HMCN1: variants seen among roughly 807,000 people sequenced by gnomAD.
HMCN1 encodes the protein hemicentin-1.
In HMCN1, 321 loss-of-function variants were observed where a neutral mutation model predicts 625.9. The ratio of observed to expected loss-of-function variants is 0.51; its 90% CI spans 0.47 to 0.56. HMCN1 has a LOEUF of 0.56. Among genes scored for constraint, HMCN1 ranks in the 20% least tolerant of loss-of-function variants. The pLI is 0.00. For missense variants in HMCN1, 6,588 were observed against 6,887.3 expected (o/e 0.96, Z 1.54); for synonymous variants, 2,425 against 2,417.6 (o/e 1.00, Z -0.09).
intron 11 of HMCN1, among the ~76,000 whole-genome samples, chr1:185,947,961 T>G (rs1406316939): frequency 6.6e-6 from 1 of 152,202 alleles, no homozygotes; most frequent in Non-Finnish European, 1.5e-5. Flanking sequence ...GAAATGAAAA[T>G]GCATTTGAAA....
In HMCN1 at chr1:185,734,630, G is replaced by A. The variant is rs947209818; in HGVS notation, c.-150G>A. 3 of 742,352 alleles carry A rather than the reference G, an allele frequency of 4.0e-6. No individual in the cohort carries two copies. Among genetic ancestry groups the A allele is most frequent in the Admixed American group, 2.1e-5 (1 of 48,184 alleles). The allele number at this position is 742,352 out of a possible 1,614,324, so 46.0% of individuals were successfully genotyped here. A position where few individuals can be genotyped will look rare whatever the true frequency, so the allele number is the denominator to read the frequency against. ...GGATTCGAGTTTGGTGCTTGTCCCCGTCTGATTCTCAGCGCCAAACTTTTT... is the reference window on the plus strand; with the variant it reads ...GGATTCGAGTTTGGTGCTTGTCCCCATCTGATTCTCAGCGCCAAACTTTTT... On this transcript the variant is annotated 5_prime_UTR_variant, in exon 1 of 107. Coordinates refer to ENST00000271588, the MANE Select transcript of HMCN1 (RefSeq NM_031935.3).
At chr1:186,128,050 T>G in intron 82 of HMCN1, 28 bp from the exon 83 acceptor site, 1 of 1,594,724 alleles carries the variant, frequency 6.3e-7, no homozygotes, top group Non-Finnish European at 8.6e-7. Context: ...GATTATGAAA[T>G]TTTAAATGTT....
intron 11 of HMCN1, among the ~76,000 whole-genome samples, chr1:185,943,746 T>C (rs1668196924): frequency 1.3e-5 from 2 of 152,164 alleles, no homozygotes; most frequent in African/African-American, 4.8e-5. Flanking sequence ...ATTAACTCAA[T>C]CTCTAGCTTC....
intron 1 of HMCN1, among the ~76,000 whole-genome samples, chr1:185,735,671 G>C (rs1011202113): frequency 1.3e-5 from 2 of 152,204 alleles, no homozygotes; most frequent in Non-Finnish European, 2.9e-5. Flanking sequence ...CGGTAGAATT[G>C]CTTGTAATTC....
At chr1:186,166,963 TC>T (rs767648222) in intron 100 of HMCN1, 21 bp downstream of exon 100, 2 of 1,614,054 alleles carry the variant, frequency 1.2e-6, no homozygotes, top group Non-Finnish European at 8.5e-7. Context: ...GGAGGCCTTT[TC>T]TTTATGTTCA....
At chr1:186,077,997 AC>A (rs1170120438) in intron 54 of HMCN1, 109 bp from the exon 55 acceptor site, 4 of 761,066 alleles carry the variant, frequency 5.3e-6, no homozygotes, top group Non-Finnish European at 9.3e-6. Context: ...TGAAACAGGA[AC>A]CTTGAAAGAA....
chr1:186,093,574 A>G lies in HMCN1; in HGVS notation c.10101A>G (p.Thr3367=). The G allele has an allele frequency of 6.2e-7, 1 of 1,613,524 alleles. No homozygotes were observed. The highest frequency in any genetic ancestry group is 8.5e-7 in the Non-Finnish European group (1 of 1,179,676). ...DTSINIECRA[T]GTPPPQINWL... ...CAATAAATATTGAATGCAGAGCCAC[A>G]GGGACGCCTCCACCACAGATAAACT... is the stretch of plus-strand genomic sequence containing the variant. Residue 3367 remains threonine (T), a synonymous_variant, in exon 66 of 107, where the codon ACA becomes ACG. Coordinates refer to ENST00000271588, the MANE Select transcript of HMCN1 (RefSeq NM_031935.3).
rs138302556 is a variant in HMCN1, at chr1:185,842,504, C to A, written c.269-3522C>A. 1.8e-3 allele frequency among the ~76,000 whole-genome samples: 273 copies of A among 151,868 alleles called. 3 individuals are homozygous for A. In the East Asian group the frequency reaches 0.018, roughly 10 times the overall value. On this transcript the variant is annotated intron_variant, in intron 1 of 106. Transcript: ENST00000271588. ...CTTGAGCATTGGGAGGTCGAGGCCG[C>A]AGTGAGCTGTGATCATGCCATTGCA...
intron 1 of HMCN1, among the ~76,000 whole-genome samples, chr1:185,768,713 A>G (rs1656032368): frequency 6.6e-6 from 1 of 152,230 alleles, no homozygotes; most frequent in Non-Finnish European, 1.5e-5. Flanking sequence ...TGGGAGGCCA[A>G]GGTGGGAGGA....
chr1:186,182,231 A>C lies in HMCN1; in HGVS notation c.16358A>C (p.Tyr5453Ser). Residue 5453 changes from tyrosine to serine, a missense_variant, in exon 105 of 107, where the codon TAT becomes TCT. By Grantham distance (144) the Tyr-to-Ser change is moderately radical. This residue lies in a region of HMCN1 where 1,954 missense variants were observed against 2,013.1 expected (regional missense o/e 0.97). Transcript: ENST00000271588. ...QHECKNTFGS[Y>S]QCICPPGYQL... Reference sequence around the variant, plus strand: ...GAGTGTAAGAATACCTTTGGAAGTTATCAGTGCATCTGCCCACCTGGCTAT... The same window carrying C: ...GAGTGTAAGAATACCTTTGGAAGTTCTCAGTGCATCTGCCCACCTGGCTAT... 1 of 1,613,530 alleles carries C rather than the reference A, an allele frequency of 6.2e-7. No individual in the cohort carries two copies. The highest frequency in any genetic ancestry group is 8.5e-7 in the Non-Finnish European group (1 of 1,179,512).
intron 97 of HMCN1, among the ~76,000 whole-genome samples, chr1:186,163,901 C>T (rs953254564): frequency 2.6e-5 from 4 of 152,046 alleles, no homozygotes; most frequent in Non-Finnish European, 4.4e-5. Flanking sequence ...TAGATGATAG[C>T]CCCCCTATTT....
At chr1:186,146,917 G>A (rs567348399) in intron 93 of HMCN1, among the ~76,000 whole-genome samples, 8 of 152,280 alleles carry the variant, frequency 5.3e-5, no homozygotes, top group Non-Finnish European at 7.3e-5. Context: ...AGTCTTTTGA[G>A]CACTGGGACT....
intron 36 of HMCN1, among the ~76,000 whole-genome samples, 182 bp from the exon 37 acceptor site, chr1:186,037,752 T>C (rs1655931242): frequency 6.6e-6 from 1 of 152,176 alleles, no homozygotes; most frequent in Non-Finnish European, 1.5e-5. Context: ...AGAAAACTTA[T>C]TTACATTTTT....
chr1:185,999,834 C>T (rs931077556), intron 25 of HMCN1, among the ~76,000 whole-genome samples: 2 of 152,020 alleles, frequency 1.3e-5, no homozygotes, highest in Non-Finnish European at 2.9e-5. Context: ...CAAACTTTAC[C>T]ATAGGTCTCT....
chr1:185,820,932 T>C (rs1660145528), intron 1 of HMCN1, among the ~76,000 whole-genome samples: 1 of 152,098 alleles, frequency 6.6e-6, no homozygotes, highest in Non-Finnish European at 1.5e-5. Context: ...GGATTTTGAA[T>C]AGAGACATTT....
At chr1:185,951,048 C>T (rs866057459) in intron 11 of HMCN1, among the ~76,000 whole-genome samples, 3,264 of 120,004 alleles carry the variant, frequency 0.027, 81 homozygotes, top group African/African-American at 0.099. Flanking sequence ...ATATTGGTGT[C>T]GAGTGGGGTA....
chr1:185,790,390 C>G (rs1172676045), intron 1 of HMCN1, among the ~76,000 whole-genome samples: 3 of 152,194 alleles, frequency 2.0e-5, no homozygotes, highest in African/African-American at 4.8e-5. Context: ...GCTACCACTG[C>G]TCTGTTCTTT....
chr1:186,003,017 C>T (rs772621549), intron 28 of HMCN1, among the ~76,000 whole-genome samples: 1 of 152,046 alleles, frequency 6.6e-6, no homozygotes, highest in Non-Finnish European at 1.5e-5. Flanking sequence ...CACCTGAATC[C>T]ACTTTTTGCT....
At chr1:186,046,285 A>G (rs142942298) in intron 41 of HMCN1, among the ~76,000 whole-genome samples, 206 of 152,234 alleles carry the variant, frequency 1.4e-3, no homozygotes, top group African/African-American at 4.8e-3. Context: ...CCCAGCCAAC[A>G]TGGTGAAACC....
Sources: gnomAD v4.1 joint callset for allele counts (sites outside exome capture counted in the v4.1 genomes callset) on GRCh38, gnomAD v4.1.1 for gene constraint, gnomAD v4.1.1 regional missense constraint, MANE v1.5 for transcripts, NCBI Gene and HGNC (gene_info 2026-07-23, HGNC 2026-07-21) for gene names.